ESRRG: variants seen among roughly 807,000 people sequenced by gnomAD.
ESRRG encodes estrogen related receptor gamma.
A neutral mutation model predicts 44.0 loss-of-function variants in ESRRG; 13 were observed. The ratio of observed to expected loss-of-function variants is 0.30; its 90% CI spans 0.19 to 0.47. ESRRG has a LOEUF of 0.47. Ranked by LOEUF, ESRRG falls within the 20% of genes least tolerant of loss-of-function variation. The pLI, the probability that ESRRG is intolerant of heterozygous loss-of-function variation, is 1.00. For missense variants in ESRRG, 395 were observed against 580.6 expected (o/e 0.68, Z 3.29); for synonymous variants, 215 against 214.6 (o/e 1.00, Z -0.02).
At chr1:217,085,883 G>C (rs2092059883) in intron 1 of ESRRG, among the ~76,000 whole-genome samples, 1 of 152,030 alleles carries the variant, frequency 6.6e-6, no homozygotes, top group African/African-American at 2.4e-5. Flanking sequence ...ATAATTCTTT[G>C]CTCTGATTCC....
chr1:216,624,600 A>G (rs1460876952), intron 3 of ESRRG, among the ~76,000 whole-genome samples: 1 of 152,222 alleles, frequency 6.6e-6, no homozygotes, highest in African/African-American at 2.4e-5. Flanking sequence ...AAGGGAAAAA[A>G]ACTGCCATTC....
chr1:216,524,870 T>C (rs2047157257), intron 5 of ESRRG, among the ~76,000 whole-genome samples: 1 of 152,126 alleles, frequency 6.6e-6, no homozygotes, highest in Admixed American at 6.6e-5. Flanking sequence ...TGTGAGGAAC[T>C]AAAAGAGAGG....
At chr1:216,625,151 C>T (rs1017812843) in intron 3 of ESRRG, among the ~76,000 whole-genome samples, 1 of 152,142 alleles carries the variant, frequency 6.6e-6, no homozygotes, top group African/African-American at 2.4e-5. Context: ...TGAACTGTCT[C>T]TTTCCCCTTT....
chr1:216,675,813 C>T (rs1559156745), intron 2 of ESRRG, among the ~76,000 whole-genome samples: 1 of 152,200 alleles, frequency 6.6e-6, no homozygotes, highest in Non-Finnish European at 1.5e-5. Flanking sequence ...AATAATACAA[C>T]ACAGTACAGT....
chr1:216,577,248 A>G (rs2061851438), intron 3 of ESRRG, among the ~76,000 whole-genome samples: 1 of 152,040 alleles, frequency 6.6e-6, no homozygotes, highest in African/African-American at 2.4e-5. Context: ...CTTTAAAGAA[A>G]AAAGGAAAAT....
At chr1:216,791,628 C>T (rs1016414815) in intron 2 of ESRRG, among the ~76,000 whole-genome samples, 31 of 152,142 alleles carry the variant, frequency 2.0e-4, no homozygotes, top group Non-Finnish European at 4.3e-4. Context: ...CTCACAATCA[C>T]ATTCTAAGAT....
In ESRRG at chr1:216,503,866, C is replaced by T. The variant is rs1448308742; in HGVS notation, c.*3073G>A. The T allele has an allele frequency of 6.6e-6, 1 of 152,462 alleles. No individual in the cohort carries two copies. Among genetic ancestry groups the T allele is most frequent in the Non-Finnish European group, 1.5e-5 (1 of 67,968 alleles). The allele number at this position is 152,462 out of a possible 1,614,324, so 9.4% of individuals were successfully genotyped here. ...AAAGAAGCAAAATTAAAATTAAAATCATATGGCTAAAACATACACCTTTAT... is the reference window on the plus strand; with the variant it reads ...AAAGAAGCAAAATTAAAATTAAAATTATATGGCTAAAACATACACCTTTAT... On this transcript the variant is annotated 3_prime_UTR_variant, in exon 7 of 7. Coordinates refer to ENST00000408911, the MANE Select transcript of ESRRG (RefSeq NM_001438.4).
At chr1:216,532,132 A>G (rs2049552098) in intron 5 of ESRRG, among the ~76,000 whole-genome samples, 1 of 126,928 alleles carries the variant, frequency 7.9e-6, no homozygotes, top group African/African-American at 4.1e-5. Flanking sequence ...GAAATGGAGG[A>G]AAAAAAAAAA....
At chr1:216,576,152 T>C (rs1321062425) in intron 3 of ESRRG, among the ~76,000 whole-genome samples, 1 of 151,714 alleles carries the variant, frequency 6.6e-6, no homozygotes, top group Non-Finnish European at 1.5e-5. Context: ...CAGGAGGGAG[T>C]CCCACAGAGT....
At chr1:216,723,102 A>G (rs2813709) in intron 1 of ESRRG, 142 bp downstream of exon 1, 672,731 of 677,864 alleles carry the variant, frequency 0.99, 333,916 homozygotes, top group Non-Finnish European at 1. Context: ...AACACAAAAG[A>G]CACAAGACAG....
chr1:216,626,304 C>T lies in ESRRG; in HGVS notation c.589+24669G>A, dbSNP rs146989552. Among the ~76,000 whole-genome samples, 158 of 152,276 alleles carry T rather than the reference C, an allele frequency of 1.0e-3. 1 individual carries two copies. The highest frequency in any genetic ancestry group is 3.2e-3 in the African/African-American group (133 of 41,554). ...CTTTAAATTCCTCTTCTCCTACCCT[C>T]GGCTTATTATCAGCAAACCCAGGAT... On this transcript the variant is annotated intron_variant, in intron 3 of 6. Transcript: ENST00000408911.
rs184828138 is a variant in ESRRG at position 216,839,302 on chromosome 1, C to T, written c.-14+100280G>A. ...CATTCAGTTGCATCTTCAGGCTCCA[C>T]TTCTAATTCTAGTTCTCTTGCTATT... On this transcript the variant is annotated intron_variant, in intron 2 of 7. Transcript: ENST00000359162. Among the ~76,000 whole-genome samples, 433 of 152,332 alleles carry T rather than the reference C, an allele frequency of 2.8e-3. 3 individuals carry two copies. The highest frequency in any genetic ancestry group is 9.7e-3 in the African/African-American group (402 of 41,580).
chr1:216,838,245 C>G (rs778364602), intron 2 of ESRRG, among the ~76,000 whole-genome samples: 3 of 152,152 alleles, frequency 2.0e-5, no homozygotes, highest in Non-Finnish European at 4.4e-5. Context: ...TTCTCAATAT[C>G]AAGTAAAAAT....
chr1:217,087,943 C>T (rs2092183880), intron 1 of ESRRG, among the ~76,000 whole-genome samples: 1 of 152,104 alleles, frequency 6.6e-6, no homozygotes, highest in Non-Finnish European at 1.5e-5. Flanking sequence ...AGGCATTCCT[C>T]AGCTCGGGAT....
At chr1:216,699,382 A>G (rs1206754586) in intron 1 of ESRRG, among the ~76,000 whole-genome samples, 1 of 152,200 alleles carries the variant, frequency 6.6e-6, no homozygotes, top group East Asian at 1.9e-4. Context: ...CATGCAGTGT[A>G]TGAAATTCAT....
chr1:217,042,482 AC>A (rs2084053557), intron 1 of ESRRG, among the ~76,000 whole-genome samples: 3 of 57,316 alleles, frequency 5.2e-5, no homozygotes, highest in Middle Eastern at 0.018. Flanking sequence ...AAACACACAC[AC>A]ACACACACAC....
In ESRRG at chr1:217,022,392, T is replaced by C. The variant is rs559127454; in HGVS notation, c.-106+67115A>G. ...CCGATTTAGGGCCATTCAGAGAACT[T>C]GATTATTAACAAATCACTTCCTGAA... On this transcript the variant is annotated intron_variant, in intron 1 of 7. Coordinates refer to the ESRRG transcript ENST00000359162. 3.3e-5 allele frequency among the ~76,000 whole-genome samples: 5 copies of C among 152,370 alleles called. No homozygotes were observed. In the Middle Eastern group the frequency reaches 0.01, roughly 311 times the overall value.
At chr1:216,952,771 A>G (rs2067194744) in intron 1 of ESRRG, among the ~76,000 whole-genome samples, 1 of 152,064 alleles carries the variant, frequency 6.6e-6, no homozygotes. Context: ...ATTGTCAATA[A>G]TTTTAAACTT....
At chr1:216,891,090 C>T (rs1411918501) in intron 2 of ESRRG, among the ~76,000 whole-genome samples, 1 of 152,100 alleles carries the variant, frequency 6.6e-6, no homozygotes, top group African/African-American at 2.4e-5. Context: ...GTTTCCTGGC[C>T]GGAAACTCTG....
Sources: allele counts gnomAD v4.1 joint callset (sites outside exome capture counted in the v4.1 genomes callset), GRCh38; gene constraint gnomAD v4.1.1; transcripts MANE v1.5; gene names NCBI Gene and HGNC (gene_info 2026-07-23, HGNC 2026-07-21).